NELL1: variants seen among roughly 807,000 people sequenced by gnomAD.
The protein encoded by NELL1 is protein kinase C-binding protein NELL1.
In NELL1, 76 loss-of-function variants were observed where a neutral mutation model predicts 107.4. The observed-to-expected ratio is 0.71, with a 90% confidence interval of 0.59 to 0.86. The LOEUF (loss-of-function observed/expected upper bound fraction) is 0.86, where lower values mean the gene tolerates loss of function less well. Among genes scored for constraint, NELL1 ranks in the 40% least tolerant of loss-of-function variants. The probability of loss-of-function intolerance (pLI) is 0.00; values close to 1 mark genes in which losing one functional copy is unlikely to be tolerated. For synonymous variants in NELL1, 353 were observed against 341.2 expected (o/e 1.03, Z -0.38); for missense variants, 1,024 against 1,005.5 (o/e 1.02, Z -0.25).
intron 4 of NELL1, among the ~76,000 whole-genome samples, chr11:20,865,621 C>T (rs1849081967): frequency 1.3e-5 from 2 of 152,104 alleles, no homozygotes; most frequent in African/African-American, 4.8e-5. Flanking sequence ...TATCTATTCC[C>T]CTGTCTTCTT....
At chr11:21,318,133 G>A (rs1356884311) in intron 14 of NELL1, among the ~76,000 whole-genome samples, 1 of 152,034 alleles carries the variant, frequency 6.6e-6, no homozygotes, top group Admixed American at 6.6e-5. Flanking sequence ...CAGCCTATAA[G>A]GATATTAATT....
At chr11:20,911,807 C>T (rs1295366172) in intron 5 of NELL1, among the ~76,000 whole-genome samples, 1 of 152,132 alleles carries the variant, frequency 6.6e-6, no homozygotes, top group South Asian at 2.1e-4. Flanking sequence ...TCCTTAGAAT[C>T]CTGGATGCCA....
chr11:21,458,949 A>G (rs1853824462), intron 15 of NELL1, among the ~76,000 whole-genome samples: 1 of 149,370 alleles, frequency 6.7e-6, no homozygotes, highest in Admixed American at 6.7e-5. Flanking sequence ...ATTTTGTGTC[A>G]GTTTTTATTC....
chr11:20,914,878 T>G (rs1159692103), intron 5 of NELL1, among the ~76,000 whole-genome samples: 1 of 151,948 alleles, frequency 6.6e-6, no homozygotes, highest in Non-Finnish European at 1.5e-5. Context: ...CCTCAGACAG[T>G]TTTCAAAATA....
In NELL1 at chr11:20,890,309, C is replaced by T. The variant is rs976616039; in HGVS notation, c.603+4769C>T. The stretch of plus-strand genomic sequence containing the variant: ...AAAGACAAGCAGAAAGTAACAGCAA[C>T]AGCATCATCAATGACAACAAAAGGC... On this transcript the variant is annotated intron_variant, in intron 5 of 19. Coordinates refer to ENST00000357134, the MANE Select transcript of NELL1 (RefSeq NM_006157.5). Among the ~76,000 whole-genome samples, 26 of 152,078 alleles carry T rather than the reference C, an allele frequency of 1.7e-4. 1 individual carries two copies. In the Middle Eastern group the frequency reaches 9.5e-3, roughly 56 times the overall value.
At chr11:21,001,163 T>C (rs1852211083) in intron 12 of NELL1, among the ~76,000 whole-genome samples, 1 of 152,174 alleles carries the variant, frequency 6.6e-6, no homozygotes, top group African/African-American at 2.4e-5. Context: ...ATCCCATCAT[T>C]ATTATTATTG....
intron 13 of NELL1, among the ~76,000 whole-genome samples, chr11:21,168,273 G>A (rs182964702): frequency 6.6e-6 from 1 of 151,796 alleles, no homozygotes; most frequent in East Asian, 1.9e-4. Context: ...ATCTCCTCCA[G>A]GCATTCCATT....
chr11:21,193,161 A>C (rs2133837972), intron 13 of NELL1, among the ~76,000 whole-genome samples: 1 of 151,928 alleles, frequency 6.6e-6, no homozygotes, highest in East Asian at 1.9e-4. Context: ...AAAATCCAAA[A>C]ATTTAGATTG....
chr11:20,828,296 G>C (rs1397770096), intron 3 of NELL1, among the ~76,000 whole-genome samples: 1 of 144,540 alleles, frequency 6.9e-6, no homozygotes, highest in Admixed American at 7.0e-5. Context: ...TAAAGGGCAT[G>C]ATTTAAATGA....
chr11:21,146,813 T>TA (rs1554973294), intron 13 of NELL1, among the ~76,000 whole-genome samples: 10 of 151,658 alleles, frequency 6.6e-5, no homozygotes, highest in African/African-American at 1.9e-4. Flanking sequence ...CAGGCCAAGG[T>TA]GGGGGGGATC....
intron 15 of NELL1, among the ~76,000 whole-genome samples, chr11:21,461,201 T>C (rs1289311940): frequency 6.6e-6 from 1 of 151,970 alleles, no homozygotes; most frequent in Non-Finnish European, 1.5e-5. Context: ...ACACTCCAAA[T>C]TGTTAGGAGA....
At chr11:20,954,649 G>A (rs1035457080) in intron 11 of NELL1, among the ~76,000 whole-genome samples, 12 of 152,158 alleles carry the variant, frequency 7.9e-5, no homozygotes, top group Admixed American at 6.5e-4. Context: ...TCACTCACTT[G>A]TGCAGAAAGG....
chr11:21,260,919 TTC>T (rs1259888740), intron 14 of NELL1, among the ~76,000 whole-genome samples: 1 of 151,890 alleles, frequency 6.6e-6, no homozygotes, highest in Non-Finnish European at 1.5e-5. Flanking sequence ...TATTAATACT[TTC>T]TATCAATTTC....
intron 2 of NELL1, among the ~76,000 whole-genome samples, chr11:20,686,159 TG>T (rs1165134338): frequency 6.6e-6 from 1 of 152,176 alleles, no homozygotes; most frequent in Non-Finnish European, 1.5e-5. Flanking sequence ...TGTCCAGCTG[TG>T]AATTGTGTGT....
intron 4 of NELL1, among the ~76,000 whole-genome samples, chr11:20,855,391 GT>G (rs1330456791): frequency 6.6e-6 from 1 of 152,154 alleles, no homozygotes; most frequent in Non-Finnish European, 1.5e-5. Flanking sequence ...CTGATGGTTT[GT>G]TGGCTACCTG....
intron 15 of NELL1, among the ~76,000 whole-genome samples, chr11:21,419,750 C>T (rs1417256553): frequency 6.6e-6 from 1 of 152,114 alleles, no homozygotes; most frequent in African/African-American, 2.4e-5. Context: ...TAAAAGTACA[C>T]ATAGAAGATA....
At chr11:21,333,649 G>A (rs554951401) in intron 14 of NELL1, among the ~76,000 whole-genome samples, 1 of 151,978 alleles carries the variant, frequency 6.6e-6, no homozygotes, top group Non-Finnish European at 1.5e-5. Flanking sequence ...TCTATATTCA[G>A]CTCCTGGACT....
At position 21,267,560 on chromosome 11, in the gene NELL1, T is replaced by A. The variant is rs574417970; in HGVS notation, c.1549+38106T>A. On this transcript the variant is annotated intron_variant, in intron 14 of 19. Transcript: ENST00000357134. ...GAGTTCTTTGCTTTATTTGGCCAACTACTTTTGTTTGTAAGTGTGTGTGTT... is the reference window on the plus strand; with the variant it reads ...GAGTTCTTTGCTTTATTTGGCCAACAACTTTTGTTTGTAAGTGTGTGTGTT... 3.8e-4 allele frequency among the ~76,000 whole-genome samples: 58 copies of A among 152,226 alleles called. 1 individual carries two copies. The highest frequency in any genetic ancestry group is 1.3e-3 in the African/African-American group (56 of 41,542).
At chr11:21,140,982 T>G (rs1855853336) in intron 13 of NELL1, among the ~76,000 whole-genome samples, 1 of 152,190 alleles carries the variant, frequency 6.6e-6, no homozygotes, top group Admixed American at 6.5e-5. Context: ...ATGATTATTT[T>G]TATAGACCCT....
Sources: allele counts gnomAD v4.1 joint callset (sites outside exome capture counted in the v4.1 genomes callset), GRCh38; gene constraint gnomAD v4.1.1; transcripts MANE v1.5; gene names NCBI Gene and HGNC (gene_info 2026-07-23, HGNC 2026-07-21).